The following CEP131 variants were observed in gnomAD, a reference collection of about 807,000 sequenced individuals.
CEP131 encodes the protein centrosomal protein 131.
CEP131 carries 99 observed loss-of-function variants against 136.8 expected under a neutral mutation model. That is an observed-to-expected ratio of 0.72 (90% CI 0.62 to 0.86). The LOEUF (loss-of-function observed/expected upper bound fraction) is 0.86, where lower values mean the gene tolerates loss of function less well. Among genes scored for constraint, CEP131 ranks in the 40% least tolerant of loss-of-function variants. The probability of loss-of-function intolerance (pLI) is 0.00; values close to 1 mark genes in which losing one functional copy is unlikely to be tolerated. For missense variants in CEP131, 1,459 were observed against 1,463.0 expected, an observed-to-expected ratio of 1.00 and a Z score of 0.04; for synonymous variants, 646 against 612.7, an observed-to-expected ratio of 1.05 and a Z score of -0.80.
rs1567855650 is a variant in CEP131, at chr17:81,197,013, A to ACCCCAGCTCCAGGGG, written c.1675_1689dup (p.Pro559_Gly563dup). ...CGCATCACAGACGTGCTCACCTCGG[A>ACCCCAGCTCCAGGGG]CCCCAGCTCCAGGGGCCCCGGCCCC... On this transcript the variant is annotated inframe_insertion, in exon 14 of 26. Transcript: ENST00000450824. 3.8e-6 allele frequency: 6 copies of ACCCCAGCTCCAGGGG among 1,595,050 alleles called. No homozygotes were observed. In the South Asian group the frequency reaches 5.6e-5, roughly 15 times the overall value.
intron 1 of CEP131, among the ~76,000 whole-genome samples, chr17:81,221,140 A>C (rs553192662): frequency 1.3e-4 from 19 of 151,194 alleles, no homozygotes; most frequent in African/African-American, 3.4e-4. Context: ...AAAAAAAAAA[A>C]AAAAAACGCG....
chr17:81,219,742 TG>T lies in CEP131; in HGVS notation c.177+137del. 1 of 935,660 alleles carries T rather than the reference TG, an allele frequency of 1.1e-6. No individual in the cohort carries two copies. Among genetic ancestry groups the T allele is most frequent in the Non-Finnish European group, 1.5e-6 (1 of 663,438 alleles). The allele number at this position is 935,660 out of a possible 1,614,324, so 58.0% of individuals were successfully genotyped here. On this transcript the variant is annotated intron_variant, in intron 2 of 25. Coordinates refer to ENST00000450824, the MANE Select transcript of CEP131 (RefSeq NM_014984.4). This position sits in a 1 kb window ranked among gnomAD's most constrained non-coding sequence, Gnocchi z 4.0. ...TAAGACTCAAGTCCTACCTGCCTCC[TG>T]GAACAGCCACGAGGATCCAGCATGT...
chr17:81,194,085 T>C lies in CEP131; in HGVS notation c.2162A>G (p.Gln721Arg). Reference protein sequence around the residue: ...EIQKLIARHKQEVRRLKSLHE... With the variant: ...EIQKLIARHKREVRRLKSLHE... ...CAGGCTCTTGAGCCTCCGCACTTCC[T>C]GCTTGTGCCTTGCAATCAGCTTCTG... Residue 721 changes from glutamine (Q) to arginine (R), a missense_variant, in exon 18 of 26, where the codon CAG (glutamine) becomes CGG (arginine). This residue lies in a region of CEP131 where 1,026 missense variants were observed against 964.2 expected (regional missense o/e 1.06). Coordinates refer to ENST00000450824, the MANE Select transcript of CEP131 (RefSeq NM_014984.4). 1 of 1,570,090 alleles carries C rather than the reference T, an allele frequency of 6.4e-7. No individual in the cohort carries two copies.
intron 19 of CEP131, 21 bp downstream of exon 19, chr17:81,192,715 C>A: frequency 6.6e-7 from 1 of 1,520,614 alleles, no homozygotes; most frequent in Non-Finnish European, 9.0e-7. Flanking sequence ...TGGGAGAGGG[C>A]GTGGTGCCCC....
chr17:81,211,379 G>A lies in CEP131; in HGVS notation c.178-2357C>T, dbSNP rs181377739. Among the ~76,000 whole-genome samples, 355 of 152,328 alleles carry A rather than the reference G, an allele frequency of 2.3e-3. 2 individuals are homozygous for A. Among genetic ancestry groups the A allele is most frequent in the African/African-American group, 8.2e-3 (341 of 41,568 alleles). On this transcript the variant is annotated intron_variant, in intron 2 of 25. Transcript: ENST00000450824. ...AACAAGATGCCTTCTGGGAAGCCTG[G>A]GCAGTGCCCATCAGACAGCAAGTGC...
At chr17:81,194,184 A>G (rs2061705309) in intron 17 of CEP131, 57 bp from the exon 18 acceptor site, 1 of 1,422,536 alleles carries the variant, frequency 7.0e-7, no homozygotes, top group Non-Finnish European at 9.3e-7. Context: ...CGGGAAGTCC[A>G]ACCCTGGCAC....
rs189843694 is a variant in CEP131, at chr17:81,210,753, A to G, written c.178-1731T>C. Among the ~76,000 whole-genome samples, 560 of 151,806 alleles carry G rather than the reference A, an allele frequency of 3.7e-3. 2 individuals are homozygous for G. Among genetic ancestry groups the G allele is most frequent in the Non-Finnish European group, 6.3e-3 (428 of 67,934 alleles). On this transcript the variant is annotated intron_variant, in intron 2 of 25. Transcript: ENST00000450824. The stretch of plus-strand genomic sequence containing the variant: ...CTCGGGTCTCCAGTTTCCCAGGAAA[A>G]GAGACCTATGAACTTTCAGAATTAT...
In CEP131 at chr17:81,208,978, T is replaced by TGTGGTGCTGTTGGATCTC; in HGVS notation, c.221_222insGAGATCCAACAGCACCAC (p.Arg75_Thr80dup). The stretch of plus-strand genomic sequence containing the variant: ...TGACCTGCGTGGTGCTGTTGGATCT[T>TGTGGTGCTGTTGGATCTC]CTAAGGTTGTTGATGGCCTGGGAGC... On this transcript the variant is annotated inframe_insertion, in exon 3 of 26. Coordinates refer to ENST00000450824, the MANE Select transcript of CEP131 (RefSeq NM_014984.4). This position sits in a 1 kb window ranked among gnomAD's most constrained non-coding sequence, Gnocchi z 5.6. 6.2e-7 allele frequency: 1 copy of TGTGGTGCTGTTGGATCTC among 1,613,496 alleles called. No homozygotes were observed. Among genetic ancestry groups the TGTGGTGCTGTTGGATCTC allele is most frequent in the Non-Finnish European group, 8.5e-7 (1 of 1,179,740 alleles).
At position 81,206,794 on chromosome 17, in the gene CEP131, C is replaced by T. The variant is rs142431349; in HGVS notation, c.465G>A (p.Arg155=). 6,774 of 1,614,144 alleles carry T rather than the reference C, an allele frequency of 4.2e-3. 24 individuals carry two copies. The highest frequency in any genetic ancestry group is 5.1e-3 in the Non-Finnish European group (5,964 of 1,180,032). Reference sequence around the variant, plus strand: ...CCAGGGCCACGGTGCATTCTTTCCTCCGCGGGCCCGCTGGTGAGTCAAGGG... The same window carrying T: ...CCAGGGCCACGGTGCATTCTTTCCTTCGCGGGCCCGCTGGTGAGTCAAGGG... ...SSALDSPAGP[R]RKECTVALAP... Residue 155 remains arginine, a synonymous_variant, in exon 5 of 26, where the codon CGG becomes CGA. Transcript: ENST00000450824.
rs754364686 is a variant in CEP131 at position 81,191,250 on chromosome 17, C to T, written c.2708G>A (p.Arg903Gln). 1.6e-5 allele frequency: 26 copies of T among 1,613,382 alleles called. No individual in the cohort carries two copies. Among genetic ancestry groups the T allele is most frequent in the South Asian group, 5.5e-5 (5 of 91,096 alleles). ...GGCCAGCGCCATGTCGGCCTCCAGC[C>T]GGTGAATGACCAGCTCAATCTCCTT... is the stretch of plus-strand genomic sequence containing the variant. ...RDKEIELVIH[R>Q]LEADMALAKE... The change falls in exon 22 of 26, where the codon CGG becomes CAG. Residue 903 changes from arginine (R) to glutamine (Q), a missense_variant. Transcript: ENST00000450824.
Position 81,203,164 on chromosome 17 carries a change from G to T in CEP131, c.629+330C>A, listed in dbSNP as rs995543496. 6.6e-6 allele frequency among the ~76,000 whole-genome samples: 1 copy of T among 152,036 alleles called. No individual in the cohort carries two copies. The highest frequency in any genetic ancestry group is 1.5e-5 in the Non-Finnish European group (1 of 68,002). On this transcript the variant is annotated intron_variant, in intron 6 of 25. Transcript: ENST00000450824. The surrounding 1 kb of genome is among the most constrained non-coding windows in gnomAD (Gnocchi z 4.6). ...TGCACAAGCCTTGGCTTCCTCCTGG[G>T]GGCCCCACCTCAGGGTGAGCCCCAG...
rs534591482 is a variant in CEP131, at chr17:81,189,941, C to T, written c.3142G>A (p.Val1048Met). The part of the protein sequence containing the change: ...KTALARKEEA[V>M]SSLRTQHEAA... ...TCATGTTGTGTCCGGAGGCTGCTCA[C>T]GGCCTCCTCCTTCCTCGCGAGGGCT... Residue 1048 changes from valine (V) to methionine (M), a missense_variant, in exon 25 of 26, where the codon GTG (valine) becomes ATG (methionine). Around this residue, in one of 3 missense-constraint regions of CEP131, gnomAD observed 1,026 missense variants for 964.2 expected, o/e 1.06. Coordinates refer to ENST00000450824, the MANE Select transcript of CEP131 (RefSeq NM_014984.4). 1.4e-4 allele frequency: 227 copies of T among 1,611,614 alleles called. 1 individual carries two copies. In the South Asian group the frequency reaches 1.8e-3, roughly 13 times the overall value.
At chr17:81,205,355 G>A (rs898672359) in intron 5 of CEP131, among the ~76,000 whole-genome samples, 5 of 145,794 alleles carry the variant, frequency 3.4e-5, no homozygotes, top group Non-Finnish European at 7.5e-5. Flanking sequence ...GGGGCGGCAA[G>A]AGTGTGGGTA....
At chr17:81,202,964 CAAAAA>C (rs74270536) in intron 6 of CEP131, among the ~76,000 whole-genome samples, 1 of 111,420 alleles carries the variant, frequency 9.0e-6, no homozygotes, top group African/African-American at 3.3e-5. Context: ...AACTCCATTT[CAAAAA>C]AAAAAAAAAT....
chr17:81,192,685 G>GGGGGGGGGGGGGCGGCC, intron 19 of CEP131, 51 bp downstream of exon 19: 2 of 478,436 alleles, frequency 4.2e-6, no homozygotes, highest in Non-Finnish European at 8.1e-6. Flanking sequence ...GGGGGGAGGG[G>GGGGGGGGGGGGGCGGCC]TCAGCCAGCG....
intron 2 of CEP131, among the ~76,000 whole-genome samples, chr17:81,211,389 A>C (rs899737504): frequency 3.9e-5 from 6 of 152,224 alleles, no homozygotes; most frequent in Admixed American, 1.3e-4. Flanking sequence ...GGCAGTGCCC[A>C]TCAGACAGCA....
At chr17:81,197,420 C>T (rs1489960378) in intron 13 of CEP131, 2 of 543,790 alleles carry the variant, frequency 3.7e-6, no homozygotes, top group Non-Finnish European at 6.5e-6. Context: ...GAACTATCCA[C>T]ACATATGGGC....
chr17:81,196,573 C>A, intron 15 of CEP131, 128 bp downstream of exon 15: 3 of 1,357,514 alleles, frequency 2.2e-6, no homozygotes, highest in Non-Finnish European at 2.9e-6. Context: ...GCTTGGAATG[C>A]GTCCAGCGGA....
rs1447860678 is a variant in CEP131, at chr17:81,214,582, T to TA, written c.177+5297dup. On this transcript the variant is annotated intron_variant, in intron 2 of 25. Coordinates refer to ENST00000450824, the MANE Select transcript of CEP131 (RefSeq NM_014984.4). The stretch of plus-strand genomic sequence containing the variant: ...AAAAAAGAAAAAGAAAAAAATAAAA[T>TA]AAAAAGTAAAAAGTAAACTAAAAGG... Among the ~76,000 whole-genome samples the TA allele has an allele frequency of 3.3e-5, 5 of 151,762 alleles. No homozygotes were observed. The East Asian group carries it at 9.7e-4, about 29-fold the overall frequency.
Sources: gnomAD v4.1 joint callset for allele counts (sites outside exome capture counted in the v4.1 genomes callset) on GRCh38, gnomAD v4.1.1 for gene constraint, gnomAD v4.1.1 regional missense constraint, Gnocchi (gnomAD v3.1) non-coding constraint, MANE v1.5 for transcripts, NCBI Gene and HGNC (gene_info 2026-07-23, HGNC 2026-07-21) for gene names.